The following RNF216 variants were observed in gnomAD, a reference collection of about 807,000 sequenced individuals.
The protein encoded by RNF216 is ring finger protein 216.
In RNF216, 72 loss-of-function variants were observed where a neutral mutation model predicts 110.8. The ratio of observed to expected loss-of-function variants is 0.65; its 90% CI spans 0.54 to 0.79. The LOEUF is 0.79. Ranked by LOEUF, RNF216 falls within the 30% of genes least tolerant of loss-of-function variation. The pLI is 0.00. For missense variants in RNF216, 1,342 were observed against 1,141.2 expected (o/e 1.18, Z -2.54); for synonymous variants, 495 against 407.5 (o/e 1.21, Z -2.59).
chr7:5,772,677 G>T (rs538715732), intron 1 of RNF216, among the ~76,000 whole-genome samples: 1 of 151,900 alleles, frequency 6.6e-6, no homozygotes, highest in East Asian at 1.9e-4. Context: ...TATAGAATGT[G>T]AAGTTATAGA....
At chr7:5,627,797 CCT>C (rs1437802037) in intron 15 of RNF216, among the ~76,000 whole-genome samples, 2 of 151,880 alleles carry the variant, frequency 1.3e-5, no homozygotes, top group African/African-American at 2.4e-5. Context: ...CAGACTCTCC[CCT>C]GATAAAACAC....
chr7:5,638,793 T>A (rs932653995), intron 15 of RNF216, among the ~76,000 whole-genome samples: 3 of 151,888 alleles, frequency 2.0e-5, no homozygotes, highest in African/African-American at 7.2e-5. Context: ...GAGCACCACA[T>A]CTGGCTAATT....
In RNF216 at chr7:5,741,320, G is replaced by C; in HGVS notation, c.697C>G (p.Pro233Ala). The change falls in exon 4 of 17, where the codon CCT becomes GCT. Residue 233 changes from proline (P) to alanine (A), a missense_variant. Physicochemically the swap from Pro to Ala is conservative, Grantham distance 27. Coordinates refer to ENST00000389902, the MANE Select transcript of RNF216 (RefSeq NM_207111.4). ...TGTTGGTTCAGAGACTGGAAGTAAG[G>C]ATGATCTAACCAGCAGTCTTCTTCG... ...AIEEDCWLDHPYFQSLNQQPR... is the reference protein window; with the variant it reads ...AIEEDCWLDHAYFQSLNQQPR... 1.2e-6 allele frequency: 2 copies of C among 1,614,058 alleles called. No individual in the cohort carries two copies. The highest frequency in any genetic ancestry group is 1.7e-6 in the Non-Finnish European group (2 of 1,179,932).
At chr7:5,651,086 C>T (rs1035119283) in intron 14 of RNF216, among the ~76,000 whole-genome samples, 1 of 152,242 alleles carries the variant, frequency 6.6e-6, no homozygotes, top group African/African-American at 2.4e-5. Flanking sequence ...TCACTTATAA[C>T]ATAAAGAAAA....
At chr7:5,724,100 G>C (rs1205322833) in intron 8 of RNF216, among the ~76,000 whole-genome samples, 4 of 152,206 alleles carry the variant, frequency 2.6e-5, no homozygotes, top group Non-Finnish European at 5.9e-5. Context: ...TTTATGACCT[G>C]ACAGCAATGT....
At chr7:5,698,382 T>TACACACACACACAC (rs1301943842) in intron 13 of RNF216, among the ~76,000 whole-genome samples, 2 of 76,370 alleles carry the variant, frequency 2.6e-5, no homozygotes, top group African/African-American at 8.8e-5. Flanking sequence ...TAGATTCTTT[T>TACACACACACACAC]ATACACACAC....
At chr7:5,761,845 T>C (rs1460042893) in intron 1 of RNF216, among the ~76,000 whole-genome samples, 1 of 152,086 alleles carries the variant, frequency 6.6e-6, no homozygotes, top group Non-Finnish European at 1.5e-5. Flanking sequence ...GGCAAGTATG[T>C]AAGACATGGG....
At chr7:5,639,441 C>T (rs145499795) in intron 15 of RNF216, among the ~76,000 whole-genome samples, 2 of 152,080 alleles carry the variant, frequency 1.3e-5, no homozygotes, top group East Asian at 1.9e-4. Flanking sequence ...GCCGGGATTA[C>T]ACCCATGAGC....
At chr7:5,721,744 G>C (rs548165727) in intron 8 of RNF216, among the ~76,000 whole-genome samples, 1 of 152,268 alleles carries the variant, frequency 6.6e-6, no homozygotes, top group African/African-American at 2.4e-5. Flanking sequence ...GTGCAAATGT[G>C]CTGTATGATT....
rs1305522810 is a variant in RNF216, at chr7:5,721,047, T to C, written c.1630A>G (p.Lys544Glu). 2.5e-6 allele frequency: 4 copies of C among 1,614,220 alleles called. No homozygotes were observed. Among genetic ancestry groups the C allele is most frequent in the East Asian group, 2.2e-5 (1 of 44,888 alleles). ...CATCTTCCTACCTCTGCCATCTCTT[T>C]GATTTTCTGCTCATAGAACTCCTGC... ...QEQEFYEQKIKEMAEHEDFLL... is the reference protein window; with the variant it reads ...QEQEFYEQKIEEMAEHEDFLL... The change falls in exon 9 of 17, where the codon AAA becomes GAA. Residue 544 changes from lysine (K) to glutamate (E), a missense_variant. Physicochemically the swap from Lys to Glu is moderately conservative, Grantham distance 56. Coordinates refer to ENST00000389902, the MANE Select transcript of RNF216 (RefSeq NM_207111.4).
intron 9 of RNF216, among the ~76,000 whole-genome samples, chr7:5,716,990 G>T (rs1025774112): frequency 6.6e-5 from 10 of 152,126 alleles, no homozygotes; most frequent in Non-Finnish European, 7.4e-5. Context: ...AATAAATAAG[G>T]GAAAAGGCTG....
intron 13 of RNF216, among the ~76,000 whole-genome samples, chr7:5,664,101 G>A (rs1789347657): frequency 6.6e-6 from 1 of 152,144 alleles, no homozygotes; most frequent in Admixed American, 6.5e-5. Context: ...GGTGCTGAAT[G>A]TCTGAGCTGG....
At chr7:5,756,115 TGAG>T (rs1795628633) in intron 2 of RNF216, among the ~76,000 whole-genome samples, 1 of 74,872 alleles carries the variant, frequency 1.3e-5, no homozygotes, top group Non-Finnish European at 4.0e-5. Context: ...CTCGTGATAG[TGAG>T]TGAGTCTTGA....
In RNF216 at chr7:5,643,859, A is replaced by G. The variant is rs572094195; in HGVS notation, c.2160-2483T>C. On this transcript the variant is annotated intron_variant, in intron 14 of 16. Transcript: ENST00000389902. ...CCCATTCCTCCTTGCCCTGCAACCC[A>G]CAGCGTGCTTTTGGGCTCTACAGAT... Among the ~76,000 whole-genome samples the G allele has an allele frequency of 2.0e-3, 304 of 152,198 alleles. 1 individual carries two copies. The highest frequency in any genetic ancestry group is 2.9e-3 in the Non-Finnish European group (200 of 68,002).
chr7:5,713,205 C>G (rs1179811202), intron 11 of RNF216: 2 of 167,934 alleles, frequency 1.2e-5, no homozygotes, highest in African/African-American at 4.8e-5. Context: ...TATTAGAAAG[C>G]TGGAGAACCT....
intron 13 of RNF216, among the ~76,000 whole-genome samples, chr7:5,708,945 C>T (rs546596546): frequency 3.9e-5 from 6 of 152,294 alleles, no homozygotes; most frequent in South Asian, 2.1e-4. Context: ...GGTCCTCTGG[C>T]GCAGTACAAA....
At chr7:5,738,172 T>C (rs1249679896) in intron 5 of RNF216, among the ~76,000 whole-genome samples, 1 of 151,952 alleles carries the variant, frequency 6.6e-6, no homozygotes, top group Non-Finnish European at 1.5e-5. Flanking sequence ...ATATTTTTCA[T>C]TTTATATTCT....
chr7:5,742,720 C>T (rs1175095817), intron 3 of RNF216, among the ~76,000 whole-genome samples: 3 of 151,148 alleles, frequency 2.0e-5, no homozygotes, highest in Admixed American at 6.6e-5. Flanking sequence ...CACAGCCTCC[C>T]GAGTAGCTGG....
In RNF216 at chr7:5,695,542, T is replaced by A. The variant is rs549144454; in HGVS notation, c.2061+16219A>T. 6.6e-5 allele frequency among the ~76,000 whole-genome samples: 10 copies of A among 152,332 alleles called. No homozygotes were observed. In the South Asian group the frequency reaches 2.1e-3, roughly 32 times the overall value. On this transcript the variant is annotated intron_variant, in intron 13 of 16. Coordinates refer to ENST00000389902, the MANE Select transcript of RNF216 (RefSeq NM_207111.4). ...CTCTCCCTGCCGGTCTCCTGCTCTC[T>A]CTCTGCAGAGCAGAAGACACCGCAG...
Sources: allele counts gnomAD v4.1 joint callset (sites outside exome capture counted in the v4.1 genomes callset), GRCh38; gene constraint gnomAD v4.1.1; transcripts MANE v1.5; gene names NCBI Gene and HGNC (gene_info 2026-07-23, HGNC 2026-07-21).